Variants in POLI observed in about 807,000 individuals in gnomAD.
POLI encodes the protein DNA polymerase iota, also known as RAD30 homolog B.
POLI carries 58 observed loss-of-function variants against 51.6 expected under a neutral mutation model. The ratio of observed to expected loss-of-function variants is 1.12; its 90% confidence interval spans 0.91 to 1.40. The LOEUF (loss-of-function observed/expected upper bound fraction) is 1.40, where lower values mean the gene tolerates loss of function less well. Ranked by LOEUF, POLI falls within the 40% of genes most tolerant of loss-of-function variation. The pLI is 0.00. For missense variants in POLI, 921 were observed against 871.3 expected, an observed-to-expected ratio of 1.06 and a Z score of -0.72; for synonymous variants, 322 against 299.7, an observed-to-expected ratio of 1.07 and a Z score of -0.77.
chr18:54,313,653 T>C (rs2088697891), intron 3 of POLI, among the ~76,000 whole-genome samples: 2 of 152,306 alleles, frequency 1.3e-5, no homozygotes, highest in African/African-American at 4.8e-5. Flanking sequence ...GTAATTCTCA[T>C]TGTAGAGATT....
intron 3 of POLI, among the ~76,000 whole-genome samples, chr18:54,319,537 A>G (rs2088770590): frequency 1.3e-5 from 2 of 152,180 alleles, no homozygotes; most frequent in Admixed American, 1.3e-4. Flanking sequence ...ATATGGTAAG[A>G]AAGATAAGAT....
At chr18:54,299,999 T>TAA (rs34407740), downstream of POLI, among the ~76,000 whole-genome samples, 1 of 147,356 alleles carries the variant, frequency 6.8e-6, no homozygotes, top group Non-Finnish European at 1.5e-5. Context: ...TTAGATATCT[T>TAA]AAAAAAAAAA....
intron 3 of POLI, among the ~76,000 whole-genome samples, chr18:54,310,485 AT>A (rs5825068): frequency 3.4e-5 from 5 of 147,504 alleles, no homozygotes; most frequent in African/African-American, 9.9e-5. Context: ...ATTACCTACT[AT>A]TTTTTTTTTT....
intron 3 of POLI, among the ~76,000 whole-genome samples, chr18:54,313,590 G>T (rs754652282): frequency 1.3e-5 from 2 of 152,184 alleles, no homozygotes; most frequent in East Asian, 1.9e-4. Context: ...CAATGAGCAT[G>T]GAATGTGTTT....
In POLI at chr18:54,297,731, C is replaced by T. The variant is rs553941330; in HGVS notation, c.*3264C>T. ...TCCTTAAACATCTAAAAATGCTACC[C>T]TCTTTCCAAACAACACAAAGGTATT... On this transcript the variant is annotated 3_prime_UTR_variant, in exon 10 of 10. Transcript: ENST00000579534. The T allele has an allele frequency of 9.8e-5, 95 of 970,886 alleles. No homozygotes were observed. The African/African-American group carries it at 1.5e-3, about 15-fold the overall frequency. The allele number at this position is 970,886 out of a possible 1,614,324, so 60.1% of individuals were successfully genotyped here. A position where few individuals can be genotyped will look rare whatever the true frequency, so the allele number is the denominator to read the frequency against.
Position 54,294,671 on chromosome 18 carries a change from T to C in POLI, c.*204T>C, listed in dbSNP as rs2088215631. On this transcript the variant is annotated 3_prime_UTR_variant, in exon 10 of 10. Coordinates refer to ENST00000579534, the MANE Select transcript of POLI (RefSeq NM_007195.3). Reference sequence around the variant, plus strand: ...AAGAAATAATGTAAAATACTATCTTTTATGTCTAAAGCCATTTTATATTAC... The same window carrying C: ...AAGAAATAATGTAAAATACTATCTTCTATGTCTAAAGCCATTTTATATTAC... The C allele has an allele frequency of 1.6e-6, 2 of 1,217,540 alleles. No individual in the cohort carries two copies. Among genetic ancestry groups the C allele is most frequent in the East Asian group, 3.3e-5 (1 of 30,234 alleles). 75.4% of individuals were successfully genotyped at this position (1,217,540 alleles called of 1,614,324 possible).
chr18:54,304,499 C>T (rs2088546618), intron 3 of POLI, among the ~76,000 whole-genome samples: 1 of 152,248 alleles, frequency 6.6e-6, no homozygotes. Context: ...ATTTGCATTT[C>T]TCTGATGACC....
At chr18:54,286,450 T>G (rs1320419190) in intron 7 of POLI, among the ~76,000 whole-genome samples, 1 of 152,152 alleles carries the variant, frequency 6.6e-6, no homozygotes, top group Non-Finnish European at 1.5e-5. Context: ...TATGCTCTTT[T>G]AAGATATTGC....
rs144639634 is a variant in POLI at position 54,297,609 on chromosome 18, T to TCTC, written c.*3148_*3150dup. 7.1e-6 allele frequency: 7 copies of TCTC among 980,688 alleles called. No individual in the cohort carries two copies. Among genetic ancestry groups the TCTC allele is most frequent in the Non-Finnish European group, 8.5e-6 (7 of 825,668 alleles). The allele number at this position is 980,688 out of a possible 1,614,324, so 60.7% of individuals were successfully genotyped here. A position where few individuals can be genotyped will look rare whatever the true frequency, so the allele number is the denominator to read the frequency against. ...GTTGTGCTTCTTTCCCACCTTTATC[T>TCTC]CTCCTCCTATCTTTTGGGATCAGTT... is the stretch of plus-strand genomic sequence containing the variant. On this transcript the variant is annotated 3_prime_UTR_variant, in exon 10 of 10. Transcript: ENST00000579534.
At position 54,295,720 on chromosome 18, in the gene POLI, C is replaced by G. The variant is rs892823213; in HGVS notation, c.*1253C>G. On this transcript the variant is annotated 3_prime_UTR_variant, in exon 10 of 10. Coordinates refer to ENST00000579534, the MANE Select transcript of POLI (RefSeq NM_007195.3). ...CCAGCTCACTACAACCTCCGCCTCCCAGGTTCAAGCAATTCTCCTGCCTCA... is the reference window on the plus strand; with the variant it reads ...CCAGCTCACTACAACCTCCGCCTCCGAGGTTCAAGCAATTCTCCTGCCTCA... 9.8e-6 allele frequency: 2 copies of G among 204,514 alleles called. No homozygotes were observed. The highest frequency in any genetic ancestry group is 6.5e-5 in the Admixed American group (1 of 15,346). The allele number at this position is 204,514 out of a possible 1,614,324, so 12.7% of individuals were successfully genotyped here.
Position 54,291,826 on chromosome 18 carries a change from T to C in POLI, c.1199-7T>C. The C allele has an allele frequency of 7.3e-7, 1 of 1,362,650 alleles. No homozygotes were observed. The highest frequency in any genetic ancestry group is 1.0e-6 in the Non-Finnish European group (1 of 959,374). The allele number at this position is 1,362,650 out of a possible 1,614,324, so 84.4% of individuals were successfully genotyped here. On this transcript the variant is annotated splice_polypyrimidine_tract_variant and splice_region_variant and intron_variant, in intron 8 of 9. Transcript: ENST00000579534. ...TTATAATGTTTATTCTTAAACATTT[T>C]ATTTAGGAAATTATGATGTGATGAC...
At position 54,296,246 on chromosome 18, in the gene POLI, CAA is replaced by C. The variant is rs2088319481; in HGVS notation, c.*1781_*1782del. On this transcript the variant is annotated 3_prime_UTR_variant, in exon 10 of 10. Coordinates refer to ENST00000579534, the MANE Select transcript of POLI (RefSeq NM_007195.3). ...GCTTAAGAAAAAATGGCTAAGAAAA[CAA>C]AGTAAATGGTTTTGGCCAGCTTAAA... 1.0e-6 allele frequency: 1 copy of C among 985,120 alleles called. No individual in the cohort carries two copies. 61.0% of individuals were successfully genotyped at this position (985,120 alleles called of 1,614,324 possible).
At chr18:54,308,526 A>T (rs534167525) in intron 3 of POLI, among the ~76,000 whole-genome samples, 7 of 152,024 alleles carry the variant, frequency 4.6e-5, no homozygotes, top group Non-Finnish European at 8.8e-5. Flanking sequence ...TTTTTCCTTC[A>T]TTTAAACTTT....
chr18:54,280,573 G>A (rs2087450043), intron 4 of POLI, 94 bp from the exon 5 acceptor site: 1 of 745,452 alleles, frequency 1.3e-6, no homozygotes, highest in South Asian at 1.7e-5. Context: ...GTGGTTGTTG[G>A]ATATAGACTA....
In POLI at chr18:54,269,607, G is replaced by T. The variant is rs1467338345; in HGVS notation, c.61G>T (p.Ala21Ser). Residue 21 changes from alanine to serine, a missense_variant, in exon 1 of 10, where the codon GCC becomes TCC. By Grantham distance (99) the Ala-to-Ser change is moderately conservative. Coordinates refer to ENST00000579534, the MANE Select transcript of POLI (RefSeq NM_007195.3). Reference protein sequence around the residue: ...EGGGDDDEEDAEAWAMELADV... With the variant: ...EGGGDDDEEDSEAWAMELADV... ...CGGCGGCGACGACGACGAGGAAGACGCCGAGGCCTGGGCCATGGAACTGGC... is the reference window on the plus strand; with the variant it reads ...CGGCGGCGACGACGACGAGGAAGACTCCGAGGCCTGGGCCATGGAACTGGC... 6.6e-7 allele frequency: 1 copy of T among 1,505,150 alleles called. No homozygotes were observed. 93.2% of individuals were successfully genotyped at this position (1,505,150 alleles called of 1,614,324 possible). A position where few individuals can be genotyped will look rare whatever the true frequency, so the allele number is the denominator to read the frequency against.
chr18:54,313,165 A>G (rs551169946), intron 3 of POLI, among the ~76,000 whole-genome samples: 4 of 152,280 alleles, frequency 2.6e-5, no homozygotes, highest in Admixed American at 1.3e-4. Context: ...TCTTCTGCAT[A>G]TGGATAGCCA....
At chr18:54,310,048 G>A (rs1490832103) in intron 3 of POLI, among the ~76,000 whole-genome samples, 2 of 152,208 alleles carry the variant, frequency 1.3e-5, no homozygotes, top group African/African-American at 4.8e-5. Flanking sequence ...CTTCCCAGGT[G>A]AGGTGATGCC....
chr18:54,307,367 G>A (rs1426513294), intron 3 of POLI, among the ~76,000 whole-genome samples: 2 of 152,206 alleles, frequency 1.3e-5, no homozygotes, highest in African/African-American at 4.8e-5. Flanking sequence ...GGAGCAGGTT[G>A]TTCAGTTTCC....
chr18:54,293,766 A>C lies in POLI; in HGVS notation c.1522A>C (p.Asn508His), dbSNP rs779484726. The change falls in exon 10 of 10, where the codon AAT becomes CAT. Residue 508 changes from asparagine to histidine, a missense_variant. Transcript: ENST00000579534. ...RTRESPLDTT[N>H]FSKEKDINEF... ...TAGGGAGTCTCCACTAGATACCACA[A>C]ATTTTTCTAAAGAAAAAGACATTAA... is the stretch of plus-strand genomic sequence containing the variant. 5.6e-6 allele frequency: 9 copies of C among 1,605,150 alleles called. No homozygotes were observed. Among genetic ancestry groups the C allele is most frequent in the Non-Finnish European group, 6.8e-6 (8 of 1,175,026 alleles).
Sources: gnomAD v4.1 joint callset for allele counts (sites outside exome capture counted in the v4.1 genomes callset) on GRCh38, gnomAD v4.1.1 for gene constraint, MANE v1.5 for transcripts, NCBI Gene and HGNC (gene_info 2026-07-23, HGNC 2026-07-21) for gene names.